The following DPY19L2 variants were observed in gnomAD, a reference collection of about 807,000 sequenced individuals.
DPY19L2 encodes the protein probable C-mannosyltransferase DPY19L2.
Under a neutral mutation model 97.9 loss-of-function variants are expected in DPY19L2, and 34 were observed. The ratio of observed to expected loss-of-function variants is 0.35; its 90% CI spans 0.26 to 0.46. DPY19L2 has a LOEUF of 0.46. DPY19L2 is among the 20% of genes least tolerant of loss of function. The pLI, the probability that DPY19L2 is intolerant of heterozygous loss-of-function variation, is 1.00. For missense variants in DPY19L2, 623 were observed against 911.4 expected (o/e 0.68, Z 4.07); for synonymous variants, 230 against 307.9 (o/e 0.75, Z 2.65).
chr12:63,619,867 T>C (rs1359803663), intron 9 of DPY19L2: 1 of 414,940 alleles, frequency 2.4e-6, no homozygotes, highest in African/African-American at 2.1e-5. Context: ...AATGAAATGA[T>C]GCTCATTAAA....
In DPY19L2 at chr12:63,668,153, G is replaced by C. The variant is rs1205239911; in HGVS notation, c.241C>G (p.Pro81Ala). The C allele has an allele frequency of 6.2e-7, 1 of 1,614,020 alleles. No homozygotes were observed. Among genetic ancestry groups the C allele is most frequent in the Admixed American group, 1.7e-5 (1 of 60,014 alleles). Residue 81 changes from proline (P) to alanine (A), a missense_variant, in exon 1 of 22, where the codon CCC (proline) becomes GCC (alanine). Transcript: ENST00000324472. Reference sequence around the variant, plus strand: ...AGGGAATTACGGACGAACTGGAAGGGGCCGAGAAGAAAGGTCTTGGCCACC... The same window carrying C: ...AGGGAATTACGGACGAACTGGAAGGCGCCGAGAAGAAAGGTCTTGGCCACC... ...EVVAKTFLLG[P>A]FQFVRNSLAQ... is the part of the protein sequence containing the mutation.
chr12:63,602,228 T>A (rs1179812597), intron 12 of DPY19L2, among the ~76,000 whole-genome samples: 1 of 151,538 alleles, frequency 6.6e-6, no homozygotes, highest in Non-Finnish European at 1.5e-5. Flanking sequence ...AAAGAGTTTA[T>A]TAGACATAGA....
chr12:63,637,942 T>C (rs1306753714), intron 6 of DPY19L2, among the ~76,000 whole-genome samples: 1 of 152,076 alleles, frequency 6.6e-6, no homozygotes, highest in Non-Finnish European at 1.5e-5. Flanking sequence ...TGATGAACAT[T>C]GATACAAAAA....
chr12:63,585,046 G>A (rs1881547328), intron 16 of DPY19L2, among the ~76,000 whole-genome samples: 1 of 152,082 alleles, frequency 6.6e-6, no homozygotes, highest in African/African-American at 2.4e-5. Flanking sequence ...GCAATCACGT[G>A]TGTTACTCTC....
At chr12:63,652,400 G>GA (rs1320643619) in intron 4 of DPY19L2, among the ~76,000 whole-genome samples, 3 of 152,048 alleles carry the variant, frequency 2.0e-5, no homozygotes, top group African/African-American at 4.8e-5. Context: ...ACTACCATTT[G>GA]ACCCAGCAAC....
At chr12:63,662,490 T>A (rs1895807221) in intron 3 of DPY19L2, among the ~76,000 whole-genome samples, 2 of 151,020 alleles carry the variant, frequency 1.3e-5, no homozygotes, top group South Asian at 4.1e-4. Context: ...TAGGGAAATA[T>A]TAAATATATA....
rs527848721 is a variant in DPY19L2, at chr12:63,596,366, C to T, written c.1462-329G>A. Among the ~76,000 whole-genome samples the T allele has an allele frequency of 9.9e-5, 15 of 152,142 alleles. No homozygotes were observed. The South Asian group carries it at 2.1e-3, about 21-fold the overall frequency. Reference sequence around the variant, plus strand: ...TGTGTCTACCGATCCCTGGGTCCTACGTTGTAACTTTCTGTACTACACAGC... The same window carrying T: ...TGTGTCTACCGATCCCTGGGTCCTATGTTGTAACTTTCTGTACTACACAGC... On this transcript the variant is annotated intron_variant, in intron 14 of 21. Transcript: ENST00000324472.
chr12:63,647,896 T>G (rs1234910972), intron 4 of DPY19L2, among the ~76,000 whole-genome samples: 1 of 152,150 alleles, frequency 6.6e-6, no homozygotes, highest in Non-Finnish European at 1.5e-5. Context: ...TTTTCTGAGA[T>G]TTGGAGTTAA....
At chr12:63,663,638 G>C in intron 3 of DPY19L2, 120 bp downstream of exon 3, 1 of 811,510 alleles carries the variant, frequency 1.2e-6, no homozygotes, top group South Asian at 1.8e-5. Flanking sequence ...ATAAACCTGG[G>C]TTATAGCTTA....
Position 63,668,125 on chromosome 12 carries a change from G to A in DPY19L2, c.269C>T (p.Ala90Val). 6 of 1,613,998 alleles carry A rather than the reference G, an allele frequency of 3.7e-6. No individual in the cohort carries two copies. The highest frequency in any genetic ancestry group is 5.1e-6 in the Non-Finnish European group (6 of 1,179,980). The part of the protein sequence containing the change: ...GPFQFVRNSL[A>V]QLREKVQELQ... ...TTCCTGCACCTTTTCCCGGAGCTGCGCCAGGGAATTACGGACGAACTGGAA... is the reference window on the plus strand; with the variant it reads ...TTCCTGCACCTTTTCCCGGAGCTGCACCAGGGAATTACGGACGAACTGGAA... The change falls in exon 1 of 22, where the codon GCG (alanine) becomes GTG (valine). Residue 90 changes from alanine (A) to valine (V), a missense_variant. Transcript: ENST00000324472.
At chr12:63,574,113 A>T (rs1879386021) in intron 19 of DPY19L2, among the ~76,000 whole-genome samples, 1 of 152,078 alleles carries the variant, frequency 6.6e-6, no homozygotes, top group Non-Finnish European at 1.5e-5. Flanking sequence ...TAAATACAAC[A>T]ACTTTTCAAG....
upstream of DPY19L2, chr12:63,668,510 G>A: frequency 9.1e-7 from 1 of 1,102,814 alleles, no homozygotes; most frequent in African/African-American, 1.6e-5. Flanking sequence ...CGCAGCCGTT[G>A]CGGACCTCCC....
intron 19 of DPY19L2, among the ~76,000 whole-genome samples, chr12:63,576,388 C>G (rs1274661334): frequency 2.0e-5 from 3 of 151,914 alleles, no homozygotes; most frequent in African/African-American, 7.2e-5. Flanking sequence ...TGGGACATGA[C>G]AAGGATGCTC....
intron 18 of DPY19L2, among the ~76,000 whole-genome samples, chr12:63,581,759 AG>A (rs1305430059): frequency 1.3e-5 from 2 of 150,060 alleles, no homozygotes; most frequent in African/African-American, 4.9e-5. Flanking sequence ...CTGGGATTTC[AG>A]GTGTGAGCCA....
intron 8 of DPY19L2, 108 bp from the exon 9 acceptor site, chr12:63,621,445 A>AC (rs1429826371): frequency 2.8e-6 from 2 of 705,690 alleles, no homozygotes; most frequent in African/African-American, 3.6e-5. Flanking sequence ...CATTACCTTT[A>AC]CTATAATACA....
At chr12:63,623,984 A>G in intron 8 of DPY19L2, 56 bp downstream of exon 8, 6 of 1,409,154 alleles carry the variant, frequency 4.3e-6, no homozygotes, top group Non-Finnish European at 5.9e-6. Flanking sequence ...ATTGAAGTAT[A>G]TTTTAAGAAA....
At chr12:63,609,263 G>C (rs189634000) in intron 11 of DPY19L2, among the ~76,000 whole-genome samples, 103 of 152,148 alleles carry the variant, frequency 6.8e-4, no homozygotes, top group Admixed American at 4.6e-3. Flanking sequence ...AAGAGGCCTT[G>C]GGTCTATGCA....
chr12:63,606,827 T>C (rs1325128723), intron 12 of DPY19L2, among the ~76,000 whole-genome samples: 1 of 152,174 alleles, frequency 6.6e-6, no homozygotes, highest in African/African-American at 2.4e-5. Flanking sequence ...TTCCCCTTTG[T>C]AAATTTTGTA....
chr12:63,612,854 C>T (rs1233097379), intron 11 of DPY19L2, among the ~76,000 whole-genome samples: 1 of 151,738 alleles, frequency 6.6e-6, no homozygotes, highest in Non-Finnish European at 1.5e-5. Context: ...ACTACAGATA[C>T]TATAGATACA....
Sources: gnomAD v4.1 joint callset for allele counts (sites outside exome capture counted in the v4.1 genomes callset) on GRCh38, gnomAD v4.1.1 for gene constraint, MANE v1.5 for transcripts, NCBI Gene and HGNC (gene_info 2026-07-23, HGNC 2026-07-21) for gene names.